Variants in NRG3 observed in about 807,000 individuals in gnomAD.
The protein encoded by NRG3 is pro-neuregulin-3, membrane-bound isoform.
Under a neutral mutation model 66.9 loss-of-function variants are expected in NRG3, and 31 were observed. The observed-to-expected ratio is 0.46, with a 90% confidence interval of 0.35 to 0.63. The LOEUF is 0.63. Among genes scored for constraint, NRG3 ranks in the 20% least tolerant of loss-of-function variants. The pLI is 0.00. For missense variants in NRG3, 910 were observed against 878.9 expected, an observed-to-expected ratio of 1.04 and a Z score of -0.45; for synonymous variants, 393 against 359.4, an observed-to-expected ratio of 1.09 and a Z score of -1.06.
chr10:82,955,146 T>G, intron 5 of NRG3: 1 of 151,860 alleles, frequency 6.6e-6, no homozygotes, highest in Non-Finnish European at 1.5e-5. Flanking sequence ...TTTATGATTC[T>G]TTTTCCATTC....
At chr10:81,890,946 T>G (rs922006337) in intron 1 of NRG3, among the ~76,000 whole-genome samples, 3 of 152,200 alleles carry the variant, frequency 2.0e-5, no homozygotes, top group Non-Finnish European at 2.9e-5. Flanking sequence ...AATGAAATCA[T>G]CTGTTCCCCC....
chr10:82,204,904 AC>A (rs1422879751), intron 1 of NRG3, among the ~76,000 whole-genome samples: 5 of 152,208 alleles, frequency 3.3e-5, no homozygotes, highest in African/African-American at 1.2e-4. Flanking sequence ...GGATGTTTGC[AC>A]AAGGTTTTGT....
chr10:82,690,383 C>T (rs1197312805), intron 2 of NRG3, among the ~76,000 whole-genome samples: 1 of 151,792 alleles, frequency 6.6e-6, no homozygotes, highest in South Asian at 2.1e-4. Flanking sequence ...TGAGGATTGC[C>T]CCCTTCAGCT....
chr10:82,288,085 T>C (rs1296614114), intron 1 of NRG3, among the ~76,000 whole-genome samples: 1 of 152,212 alleles, frequency 6.6e-6, no homozygotes, highest in Non-Finnish European at 1.5e-5. Context: ...TATTCCTTTA[T>C]GATTACCAGG....
At chr10:82,326,633 G>A (rs1367614952) in intron 1 of NRG3, among the ~76,000 whole-genome samples, 2 of 151,894 alleles carry the variant, frequency 1.3e-5, no homozygotes, top group East Asian at 3.9e-4. Context: ...ATGTACCCAA[G>A]ACCCCTACCA....
At chr10:81,885,297 G>A (rs925157931) in intron 1 of NRG3, among the ~76,000 whole-genome samples, 2 of 152,096 alleles carry the variant, frequency 1.3e-5, no homozygotes, top group East Asian at 3.9e-4. Context: ...AAAGTGTCAG[G>A]GAACATTTGG....
intron 1 of NRG3, among the ~76,000 whole-genome samples, chr10:81,998,837 T>G (rs999264421): frequency 1.3e-5 from 2 of 151,962 alleles, no homozygotes; most frequent in Non-Finnish European, 2.9e-5. Flanking sequence ...CATGAAAACT[T>G]TGTGTGTGTG....
At chr10:82,496,624 A>G (rs1009047261) in intron 2 of NRG3, among the ~76,000 whole-genome samples, 2 of 152,098 alleles carry the variant, frequency 1.3e-5, no homozygotes, top group Admixed American at 1.3e-4. Context: ...ACATATTTCT[A>G]TGCTAACATT....
intron 1 of NRG3, among the ~76,000 whole-genome samples, chr10:82,251,710 T>G (rs1211149663): frequency 1.3e-5 from 2 of 152,150 alleles, no homozygotes; most frequent in Non-Finnish European, 2.9e-5. Context: ...AATCGAGAAT[T>G]GGGCAAGGTA....
chr10:82,939,454 G>T (rs1419000171), intron 4 of NRG3, among the ~76,000 whole-genome samples: 2 of 150,948 alleles, frequency 1.3e-5, no homozygotes, highest in African/African-American at 4.9e-5. Context: ...GTTTGTTGTT[G>T]TTGTTATTGG....
chr10:82,000,884 G>T (rs976865341), intron 1 of NRG3, among the ~76,000 whole-genome samples: 1 of 152,116 alleles, frequency 6.6e-6, no homozygotes, highest in Admixed American at 6.6e-5. Flanking sequence ...CCAGAACAAA[G>T]TTGCTATTCT....
intron 2 of NRG3, among the ~76,000 whole-genome samples, chr10:82,397,961 G>T (rs1357106341): frequency 6.6e-6 from 1 of 152,092 alleles, no homozygotes; most frequent in African/African-American, 2.4e-5. Flanking sequence ...ACCCACAAAG[G>T]GCAGTCTGTC....
intron 4 of NRG3, among the ~76,000 whole-genome samples, chr10:82,898,024 A>G (rs17101034): frequency 0.039 from 6,010 of 152,292 alleles, 139 homozygotes; most frequent in Middle Eastern, 0.1. Flanking sequence ...TTCCAACTTC[A>G]GGTCCTCAAT....
At chr10:82,489,725 G>A (rs886339093) in intron 2 of NRG3, among the ~76,000 whole-genome samples, 6 of 152,130 alleles carry the variant, frequency 3.9e-5, no homozygotes, top group African/African-American at 1.4e-4. Context: ...ATATATGCCA[G>A]ACATTATGCC....
intron 1 of NRG3, among the ~76,000 whole-genome samples, chr10:82,228,683 T>C (rs1213753070): frequency 6.6e-6 from 1 of 152,164 alleles, no homozygotes; most frequent in Non-Finnish European, 1.5e-5. Flanking sequence ...CCTTTCCTCA[T>C]GAAAATTAAT....
At chr10:81,979,505 T>C (rs549457343) in intron 1 of NRG3, among the ~76,000 whole-genome samples, 18 of 152,340 alleles carry the variant, frequency 1.2e-4, no homozygotes, top group African/African-American at 3.6e-4. Context: ...CTGTAATTTA[T>C]CCCACCTAGT....
At chr10:82,328,266 G>T (rs975405647) in intron 1 of NRG3, among the ~76,000 whole-genome samples, 1 of 152,184 alleles carries the variant, frequency 6.6e-6, no homozygotes, top group Non-Finnish European at 1.5e-5. Flanking sequence ...CAAGGGTCTT[G>T]TTTGGATATT....
At chr10:82,831,769 G>T (rs1195724690) in intron 3 of NRG3, among the ~76,000 whole-genome samples, 1 of 152,082 alleles carries the variant, frequency 6.6e-6, no homozygotes, top group Non-Finnish European at 1.5e-5. Flanking sequence ...AGCTGAGATC[G>T]TGCCATTGCA....
chr10:81,987,293 C>G (rs2060563743), intron 1 of NRG3, among the ~76,000 whole-genome samples: 1 of 152,178 alleles, frequency 6.6e-6, no homozygotes, highest in South Asian at 2.1e-4. Flanking sequence ...CCTTGTTGGC[C>G]AGGCTGGTCT....
Sources: allele counts gnomAD v4.1 joint callset (sites outside exome capture counted in the v4.1 genomes callset), GRCh38; gene constraint gnomAD v4.1.1; transcripts MANE v1.5; gene names NCBI Gene and HGNC (gene_info 2026-07-23, HGNC 2026-07-21).